CNTNAP2: variants seen among roughly 807,000 people sequenced by gnomAD.
The protein encoded by CNTNAP2 is contactin-associated protein-like 2.
In CNTNAP2, 98 loss-of-function variants were observed where a neutral mutation model predicts 155.2. The observed-to-expected ratio is 0.63, with a 90% CI of 0.54 to 0.75. The LOEUF (loss-of-function observed/expected upper bound fraction) is 0.75. Ranked by LOEUF, CNTNAP2 falls within the 30% of genes least tolerant of loss-of-function variation. The pLI, the probability that CNTNAP2 is intolerant of heterozygous loss-of-function variation, is 0.00. For synonymous variants in CNTNAP2, 651 were observed against 631.2 expected, an observed-to-expected ratio of 1.03 and a Z score of -0.47; for missense variants, 1,727 against 1,688.1, an observed-to-expected ratio of 1.02 and a Z score of -0.40.
At chr7:147,294,609 T>G (rs1805391764) in intron 8 of CNTNAP2, among the ~76,000 whole-genome samples, 1 of 152,194 alleles carries the variant, frequency 6.6e-6, no homozygotes, top group Admixed American at 6.6e-5. Flanking sequence ...TTTAGAAAGC[T>G]TATCACTACA....
chr7:147,893,732 G>A (rs1262744639), intron 13 of CNTNAP2, among the ~76,000 whole-genome samples: 2 of 152,104 alleles, frequency 1.3e-5, no homozygotes, highest in East Asian at 1.9e-4. Flanking sequence ...ATTACTCCAC[G>A]GCTTCACCTC....
intron 14 of CNTNAP2, among the ~76,000 whole-genome samples, chr7:147,945,868 C>CTTTTTTTTTT (rs34305612): frequency 1.6e-5 from 2 of 123,362 alleles, no homozygotes; most frequent in Non-Finnish European, 3.3e-5. Flanking sequence ...TTTTCTTTTT[C>CTTTTTTTTTT]TTTTTTTTTT....
At chr7:147,947,656 G>A (rs991769960) in intron 14 of CNTNAP2, among the ~76,000 whole-genome samples, 1 of 151,784 alleles carries the variant, frequency 6.6e-6, no homozygotes, top group African/African-American at 2.4e-5. Context: ...TAAAATTCCA[G>A]CAAGAGTAGC....
At chr7:146,790,869 G>A (rs6968847) in intron 2 of CNTNAP2, among the ~76,000 whole-genome samples, 23,567 of 151,440 alleles carry the variant, frequency 0.16, 2,232 homozygotes, top group African/African-American at 0.27. Flanking sequence ...ACGCCTGGCC[G>A]ATTTGGTCAG....
intron 13 of CNTNAP2, among the ~76,000 whole-genome samples, chr7:147,695,628 ACT>A (rs1260815222): frequency 6.6e-6 from 1 of 151,996 alleles, no homozygotes; most frequent in Non-Finnish European, 1.5e-5. Flanking sequence ...TGAATGAAAC[ACT>A]GTCTGTACTG....
At chr7:148,279,890 A>G (rs1267313000) in intron 21 of CNTNAP2, among the ~76,000 whole-genome samples, 1 of 152,242 alleles carries the variant, frequency 6.6e-6, no homozygotes, top group Non-Finnish European at 1.5e-5. Flanking sequence ...TACATACCCA[A>G]TGATCCCATT....
chr7:147,217,751 A>T (rs2116586303), intron 8 of CNTNAP2, among the ~76,000 whole-genome samples: 1 of 152,192 alleles, frequency 6.6e-6, no homozygotes, highest in African/African-American at 2.4e-5. Flanking sequence ...GTTTGGTGGA[A>T]TTACCAGCGA....
intron 13 of CNTNAP2, among the ~76,000 whole-genome samples, chr7:147,855,102 C>T (rs1298665965): frequency 6.6e-6 from 1 of 152,164 alleles, no homozygotes; most frequent in African/African-American, 2.4e-5. Context: ...TGTTTAATTA[C>T]ATATGCGGCT....
At chr7:147,059,146 T>C (rs960136770) in intron 4 of CNTNAP2, among the ~76,000 whole-genome samples, 5 of 152,166 alleles carry the variant, frequency 3.3e-5, no homozygotes, top group Non-Finnish European at 7.4e-5. Context: ...TCTTCTGATT[T>C]TGAGGATGAA....
chr7:146,763,993 G>A (rs1344288695), intron 1 of CNTNAP2, among the ~76,000 whole-genome samples: 2 of 152,112 alleles, frequency 1.3e-5, no homozygotes, highest in African/African-American at 2.4e-5. Flanking sequence ...AAGCTAAGTG[G>A]GTTAAGTAGT....
At chr7:147,531,233 C>G (rs1309035787) in intron 11 of CNTNAP2, among the ~76,000 whole-genome samples, 5 of 152,166 alleles carry the variant, frequency 3.3e-5, no homozygotes, top group African/African-American at 4.8e-5. Context: ...ATTTTGGGGT[C>G]TGGAGGATGG....
chr7:147,412,456 T>G (rs1797120776), intron 10 of CNTNAP2, among the ~76,000 whole-genome samples: 1 of 152,208 alleles, frequency 6.6e-6, no homozygotes, highest in African/African-American at 2.4e-5. Flanking sequence ...TCTGTAAGAC[T>G]GGGTTAGGCA....
chr7:147,285,889 G>A (rs541898884), intron 8 of CNTNAP2, among the ~76,000 whole-genome samples: 3 of 152,126 alleles, frequency 2.0e-5, no homozygotes, highest in African/African-American at 7.2e-5. Flanking sequence ...TTCCCAGTTG[G>A]ATACCAAACT....
chr7:147,398,939 T>C (rs1347581152), intron 10 of CNTNAP2, among the ~76,000 whole-genome samples: 1 of 151,892 alleles, frequency 6.6e-6, no homozygotes, highest in African/African-American at 2.4e-5. Context: ...CAAGGAAGCC[T>C]GGCATGTCAG....
At position 147,030,808 on chromosome 7, in the gene CNTNAP2, C is replaced by T. The variant is rs1447703833; in HGVS notation, c.403-13099C>T. 2.6e-5 allele frequency among the ~76,000 whole-genome samples: 4 copies of T among 152,102 alleles called. No individual in the cohort carries two copies. The East Asian group carries it at 7.7e-4, about 29-fold the overall frequency. Reference sequence around the variant, plus strand: ...CCAAGGTGGGAGGATTGCTTGAGCCCAGGGGTTTGAGGCTGCAGTGAGCTG... The same window carrying T: ...CCAAGGTGGGAGGATTGCTTGAGCCTAGGGGTTTGAGGCTGCAGTGAGCTG... On this transcript the variant is annotated intron_variant, in intron 3 of 23. Coordinates refer to ENST00000361727, the MANE Select transcript of CNTNAP2 (RefSeq NM_014141.6).
intron 1 of CNTNAP2, among the ~76,000 whole-genome samples, chr7:146,735,765 G>A (rs1801607893): frequency 7.1e-6 from 1 of 141,800 alleles, no homozygotes; most frequent in Non-Finnish European, 1.5e-5. Flanking sequence ...AAGAGTAGAG[G>A]GTAATAGGGA....
chr7:148,263,045 C>G (rs1049459638), intron 20 of CNTNAP2: 3 of 152,244 alleles, frequency 2.0e-5, no homozygotes, highest in African/African-American at 7.2e-5. Context: ...TTCTTAGACA[C>G]AAGGCAGGCA....
intron 1 of CNTNAP2, among the ~76,000 whole-genome samples, chr7:146,172,561 A>C (rs899391914): frequency 1.3e-5 from 2 of 152,010 alleles, no homozygotes; most frequent in Admixed American, 1.3e-4. Context: ...TCTCAGATTA[A>C]TGATTCTGAC....
At chr7:148,036,275 G>A (rs1335020743) in intron 15 of CNTNAP2, among the ~76,000 whole-genome samples, 1 of 152,160 alleles carries the variant, frequency 6.6e-6, no homozygotes, top group Non-Finnish European at 1.5e-5. Flanking sequence ...TGGTGGACCA[G>A]GGATGAAATG....
Sources: allele counts gnomAD v4.1 joint callset (sites outside exome capture counted in the v4.1 genomes callset), GRCh38; gene constraint gnomAD v4.1.1; transcripts MANE v1.5; gene names NCBI Gene and HGNC (gene_info 2026-07-23, HGNC 2026-07-21).